The following CNNM2 variants were observed in gnomAD, a reference collection of about 807,000 sequenced individuals.
CNNM2 encodes the protein cyclin and CBS domain divalent metal cation transport mediator 2.
Under a neutral mutation model 66.9 loss-of-function variants are expected in CNNM2, and 12 were observed. The observed-to-expected ratio is 0.18, with a 90% confidence interval of 0.11 to 0.29. The LOEUF (loss-of-function observed/expected upper bound fraction) is 0.29, where lower values mean the gene tolerates loss of function less well. Among genes scored for constraint, CNNM2 ranks in the 10% least tolerant of loss-of-function variants. The pLI is 1.00. For missense variants in CNNM2, 705 were observed against 1,167.7 expected (o/e 0.60, Z 5.77); for synonymous variants, 557 against 501.8 (o/e 1.11, Z -1.47).
In CNNM2 at chr10:102,929,447, A is replaced by T. The variant is rs767116080; in HGVS notation, c.1621+9346A>T. On this transcript the variant is annotated intron_variant, in intron 1 of 7. Transcript: ENST00000369878. Reference sequence around the variant, plus strand: ...GACAGAGCAAGAGCATGTCTTTTTTAAAAAAAAAAAAAAAAAGTGACTAGT... The same window carrying T: ...GACAGAGCAAGAGCATGTCTTTTTTTAAAAAAAAAAAAAAAAGTGACTAGT... Among the ~76,000 whole-genome samples, 2,835 of 139,126 alleles carry T rather than the reference A, an allele frequency of 0.02. 45 individuals carry two copies. The highest frequency in any genetic ancestry group is 0.038 in the Middle Eastern group (10 of 262). 91.3% of individuals were successfully genotyped at this position (139,126 alleles called of 152,430 possible).
chr10:102,948,995 T>TA (rs1846722429), intron 1 of CNNM2, among the ~76,000 whole-genome samples: 2 of 152,324 alleles, frequency 1.3e-5, no homozygotes, highest in South Asian at 2.1e-4. Context: ...TGACCTCACA[T>TA]ACGCTGCTCT....
At chr10:102,980,025 T>C (rs2063695295) in intron 1 of CNNM2, among the ~76,000 whole-genome samples, 1 of 152,088 alleles carries the variant, frequency 6.6e-6, no homozygotes, top group Admixed American at 6.5e-5. Context: ...GCCATTCTCC[T>C]GCCTCAACCT....
intron 4 of CNNM2, among the ~76,000 whole-genome samples, chr10:103,065,782 A>T (rs527757552): frequency 5.9e-5 from 9 of 152,360 alleles, no homozygotes; most frequent in African/African-American, 2.2e-4. Flanking sequence ...ATTTGCAGCC[A>T]GCACATACAT....
At chr10:103,060,653 C>T (rs187754769) in intron 4 of CNNM2, among the ~76,000 whole-genome samples, 1 of 152,172 alleles carries the variant, frequency 6.6e-6, no homozygotes, top group African/African-American at 2.4e-5. Flanking sequence ...ATTCAAGACA[C>T]AGAACATAGT....
chr10:102,993,775 A>T (rs2063937934), intron 1 of CNNM2, among the ~76,000 whole-genome samples: 1 of 150,904 alleles, frequency 6.6e-6, no homozygotes, highest in African/African-American at 2.4e-5. Flanking sequence ...GTCATTAAAA[A>T]TTTTCAGGGT....
intron 1 of CNNM2, among the ~76,000 whole-genome samples, chr10:102,975,290 A>G (rs2063608127): frequency 6.6e-6 from 1 of 152,152 alleles, no homozygotes; most frequent in African/African-American, 2.4e-5. Context: ...ATTGGCACTC[A>G]TAATATACTA....
chr10:102,989,457 A>G (rs565133455), intron 1 of CNNM2, among the ~76,000 whole-genome samples: 4 of 151,888 alleles, frequency 2.6e-5, no homozygotes, highest in African/African-American at 9.6e-5. Context: ...GGGAAGAGAA[A>G]ATATTTGCTT....
chr10:102,961,641 T>A (rs2063381095), intron 1 of CNNM2, among the ~76,000 whole-genome samples: 1 of 152,164 alleles, frequency 6.6e-6, no homozygotes, highest in African/African-American at 2.4e-5. Context: ...TTAGGTTAAA[T>A]TATGTGAAAC....
intron 1 of CNNM2, among the ~76,000 whole-genome samples, chr10:102,999,834 G>A (rs970974969): frequency 2.6e-5 from 4 of 152,186 alleles, no homozygotes; most frequent in Non-Finnish European, 5.9e-5. Flanking sequence ...ACTTTAATAA[G>A]ATGTTACCTC....
At chr10:102,930,773 C>T (rs920507214) in intron 1 of CNNM2, among the ~76,000 whole-genome samples, 1 of 152,146 alleles carries the variant, frequency 6.6e-6, no homozygotes, top group Non-Finnish European at 1.5e-5. Context: ...TTATTCTGGA[C>T]ATTTCATATA....
At chr10:103,068,786 T>C in intron 5 of CNNM2, 64 bp downstream of exon 5, 2 of 1,293,070 alleles carry the variant, frequency 1.5e-6, no homozygotes, top group Non-Finnish European at 2.2e-6. Context: ...CCCTCTCCTT[T>C]CATCTTGCTT....
At chr10:103,033,380 C>T (rs1349107655) in intron 1 of CNNM2, among the ~76,000 whole-genome samples, 3 of 152,004 alleles carry the variant, frequency 2.0e-5, no homozygotes, top group Middle Eastern at 3.4e-3. Context: ...TTAGTAGAGA[C>T]GGGGTTTCAC....
chr10:103,071,859 T>G lies in CNNM2; in HGVS notation c.2233+20T>G. On this transcript the variant is annotated intron_variant, in intron 6 of 7. Transcript: ENST00000369878. ...CTCCAGGTAATTCTGCATGCTTCCT[T>G]TCCGTAATTCTCCTGATTGCCTTCC... 1.2e-6 allele frequency: 2 copies of G among 1,610,054 alleles called. No homozygotes were observed. Among genetic ancestry groups the G allele is most frequent in the Non-Finnish European group, 1.7e-6 (2 of 1,176,310 alleles).
chr10:102,927,591 C>A, intron 1 of CNNM2: 1 of 775,370 alleles, frequency 1.3e-6, no homozygotes, highest in Non-Finnish European at 1.9e-6. Flanking sequence ...GGTGAAACCC[C>A]GTTTCTAATA....
intron 7 of CNNM2, 132 bp from the exon 8 acceptor site, chr10:103,076,839 C>A: frequency 1.3e-6 from 1 of 756,938 alleles, no homozygotes; most frequent in Non-Finnish European, 2.2e-6. Flanking sequence ...GACAAAGTGG[C>A]TCACTGCGCT....
chr10:103,013,981 C>A (rs553985269), intron 1 of CNNM2, among the ~76,000 whole-genome samples: 1 of 152,262 alleles, frequency 6.6e-6, no homozygotes, highest in East Asian at 1.9e-4. Context: ...ACAATTAGGA[C>A]CTGAGAAACT....
Position 103,088,258 on chromosome 10 carries a change from C to CTA in CNNM2, c.*11081_*11082dup, listed in dbSNP as rs762876378. 3 of 152,212 alleles carry CTA rather than the reference C, an allele frequency of 2.0e-5. No individual in the cohort carries two copies. Among genetic ancestry groups the CTA allele is most frequent in the Non-Finnish European group, 2.9e-5 (2 of 68,042 alleles). 9.4% of individuals were successfully genotyped at this position (152,212 alleles called of 1,614,324 possible). A position where few individuals can be genotyped will look rare whatever the true frequency, so the allele number is the denominator to read the frequency against. On this transcript the variant is annotated 3_prime_UTR_variant, in exon 8 of 8. Coordinates refer to ENST00000369878, the MANE Select transcript of CNNM2 (RefSeq NM_017649.5). ...AATATACAATGGTTAAAGAAAGAGTCTATAACCACTGTTTGTTTAAAATGT... is the reference window on the plus strand; with the variant it reads ...AATATACAATGGTTAAAGAAAGAGTCTATATAACCACTGTTTGTTTAAAATGT...
chr10:103,018,686 CTTT>C lies in CNNM2; in HGVS notation c.1622-31002_1622-31000del, dbSNP rs370000130. On this transcript the variant is annotated intron_variant, in intron 1 of 7. Coordinates refer to ENST00000369878, the MANE Select transcript of CNNM2 (RefSeq NM_017649.5). The stretch of plus-strand genomic sequence containing the variant: ...AGCAAGGTAAATATACTCTTCTTTC[CTTT>C]TTTTTTTTTTTTTTTTTTGAGATGG... 3.4e-5 allele frequency among the ~76,000 whole-genome samples: 4 copies of C among 116,264 alleles called. No homozygotes were observed. In the East Asian group the frequency reaches 9.6e-4, roughly 28 times the overall value. 76.3% of individuals were successfully genotyped at this position (116,264 alleles called of 152,430 possible). A position where few individuals can be genotyped will look rare whatever the true frequency, so the allele number is the denominator to read the frequency against.
intron 1 of CNNM2, among the ~76,000 whole-genome samples, chr10:103,023,552 C>CG (rs1564849569): frequency 2.0e-5 from 3 of 152,026 alleles, no homozygotes; most frequent in African/African-American, 7.2e-5. Flanking sequence ...CTGTTCCCCC[C>CG]TCCCCATCCC....
Sources: allele counts gnomAD v4.1 joint callset (sites outside exome capture counted in the v4.1 genomes callset), GRCh38; gene constraint gnomAD v4.1.1; transcripts MANE v1.5; gene names NCBI Gene and HGNC (gene_info 2026-07-23, HGNC 2026-07-21).